The following NRXN3 variants were observed in gnomAD, a reference collection of about 807,000 sequenced individuals.
NRXN3 encodes neurexin 3.
NRXN3 carries 32 observed loss-of-function variants against 137.6 expected under a neutral mutation model. That is an observed-to-expected ratio of 0.23 (90% CI 0.18 to 0.31). The LOEUF (loss-of-function observed/expected upper bound fraction) is 0.31, where lower values mean the gene tolerates loss of function less well. Among genes scored for constraint, NRXN3 ranks in the 10% least tolerant of loss-of-function variants. The pLI is 1.00. For missense variants in NRXN3, 1,574 were observed against 2,062.5 expected (o/e 0.76, Z 4.59); for synonymous variants, 798 against 784.5 (o/e 1.02, Z -0.29).
chr14:78,982,490 G>T lies in NRXN3; in HGVS notation c.3143-5532G>T, dbSNP rs144964872. Among the ~76,000 whole-genome samples the T allele has an allele frequency of 2.6e-3, 386 of 147,418 alleles. 1 individual carries two copies. Among genetic ancestry groups the T allele is most frequent in the African/African-American group, 9.9e-3 (368 of 37,300 alleles). Reference sequence around the variant, plus strand: ...ATAGAGACCCCCAAAATAAACTTATGCATTATGGTTAACTGATTTTTTTTT... The same window carrying T: ...ATAGAGACCCCCAAAATAAACTTATTCATTATGGTTAACTGATTTTTTTTT... On this transcript the variant is annotated intron_variant, in intron 14 of 20. Coordinates refer to ENST00000335750, the MANE Select transcript of NRXN3 (RefSeq NM_001330195.2).
At chr14:79,691,448 A>C (rs2098716223) in intron 17 of NRXN3, among the ~76,000 whole-genome samples, 1 of 152,022 alleles carries the variant, frequency 6.6e-6, no homozygotes, top group Non-Finnish European at 1.5e-5. Flanking sequence ...AAGTCTACAA[A>C]TGTTGTACCA....
chr14:78,286,096 C>G (rs1033183898), intron 3 of NRXN3, among the ~76,000 whole-genome samples: 1 of 152,138 alleles, frequency 6.6e-6, no homozygotes, highest in African/African-American at 2.4e-5. Flanking sequence ...GGCAGACCCA[C>G]CGGGGTATTG....
At chr14:79,498,358 G>C (rs972961275) in intron 16 of NRXN3, among the ~76,000 whole-genome samples, 2 of 152,062 alleles carry the variant, frequency 1.3e-5, no homozygotes, top group African/African-American at 4.8e-5. Flanking sequence ...TTTCTTTCCT[G>C]CTTACTCCAG....
chr14:79,365,575 C>T (rs1176839300), intron 15 of NRXN3, among the ~76,000 whole-genome samples: 6 of 150,394 alleles, frequency 4.0e-5, no homozygotes, highest in Non-Finnish European at 7.4e-5. Context: ...AAAAATTAGC[C>T]GGGCGCGGTG....
chr14:78,908,774 ATTTATGGTGAGGC>A (rs748036927), intron 10 of NRXN3, among the ~76,000 whole-genome samples: 106 of 152,078 alleles, frequency 7.0e-4, no homozygotes, highest in Non-Finnish European at 1.3e-3. Context: ...CAAACATCAA[ATTTATGGTGAGGC>A]TTGGGTAGAA....
chr14:78,269,812 T>C (rs1239427911), intron 2 of NRXN3, among the ~76,000 whole-genome samples: 1 of 152,184 alleles, frequency 6.6e-6, no homozygotes, highest in African/African-American at 2.4e-5. Context: ...ACCCACCTGC[T>C]TCTCCTAGAA....
chr14:78,240,926 A>T lies in NRXN3; in HGVS notation c.-703-1465A>T, dbSNP rs58456029. ...TAATGTTCTGATGGAGCCCATGGTG[A>T]ATTATCAAATGTGCCAGGTAATAAG... On this transcript the variant is annotated intron_variant, in intron 1 of 20. Coordinates refer to ENST00000335750, the MANE Select transcript of NRXN3 (RefSeq NM_001330195.2). 5.3e-3 allele frequency among the ~76,000 whole-genome samples: 808 copies of T among 152,250 alleles called. 5 individuals are homozygous for T. Among genetic ancestry groups the T allele is most frequent in the African/African-American group, 0.018 (752 of 41,542 alleles).
At chr14:78,770,418 G>C (rs1340199948) in intron 8 of NRXN3, among the ~76,000 whole-genome samples, 2 of 152,126 alleles carry the variant, frequency 1.3e-5, no homozygotes, top group Non-Finnish European at 2.9e-5. Flanking sequence ...TGTGCTCAGG[G>C]GGATTTTCAA....
intron 8 of NRXN3, among the ~76,000 whole-genome samples, chr14:78,787,603 C>A (rs1304849899): frequency 6.6e-6 from 1 of 152,012 alleles, no homozygotes; most frequent in Non-Finnish European, 1.5e-5. Context: ...CAGTTATTGT[C>A]AATGATAATG....
intron 4 of NRXN3, among the ~76,000 whole-genome samples, chr14:78,542,223 G>T (rs776916668): frequency 6.6e-6 from 1 of 152,230 alleles, no homozygotes; most frequent in Non-Finnish European, 1.5e-5. Flanking sequence ...AGACAGGGAC[G>T]TTTAAGTCTG....
At chr14:79,238,537 A>T (rs998274780) in intron 15 of NRXN3, among the ~76,000 whole-genome samples, 1 of 152,180 alleles carries the variant, frequency 6.6e-6, no homozygotes, top group African/African-American at 2.4e-5. Flanking sequence ...AAGCGCTGTG[A>T]TGTGATACAT....
intron 10 of NRXN3, among the ~76,000 whole-genome samples, chr14:78,830,123 C>T (rs914646324): frequency 1.1e-4 from 17 of 152,030 alleles, no homozygotes; most frequent in East Asian, 3.9e-4. Flanking sequence ...TACAATAACT[C>T]GCCCAAGATG....
intron 15 of NRXN3, among the ~76,000 whole-genome samples, chr14:79,281,122 T>G (rs1443255685): frequency 1.3e-5 from 2 of 152,148 alleles, no homozygotes; most frequent in Non-Finnish European, 2.9e-5. Flanking sequence ...AGCTTTATGT[T>G]TGTCCACATA....
At chr14:78,513,659 A>T (rs920385940) in intron 4 of NRXN3, among the ~76,000 whole-genome samples, 2 of 152,162 alleles carry the variant, frequency 1.3e-5, no homozygotes, top group African/African-American at 4.8e-5. Context: ...TGTGCAAAAA[A>T]AATTCAAGTA....
chr14:78,756,892 ATT>A (rs2098670934), intron 8 of NRXN3, among the ~76,000 whole-genome samples: 1 of 152,178 alleles, frequency 6.6e-6, no homozygotes, highest in African/African-American at 2.4e-5. Context: ...TTGGTGGGTT[ATT>A]AGATTTGGTT....
At chr14:78,182,952 C>T (rs969713585) in intron 1 of NRXN3, among the ~76,000 whole-genome samples, 5 of 152,146 alleles carry the variant, frequency 3.3e-5, no homozygotes, top group South Asian at 4.1e-4. Context: ...TCTGTCTGTG[C>T]GATGGCACAG....
intron 10 of NRXN3, among the ~76,000 whole-genome samples, chr14:78,834,693 G>T (rs1330918859): frequency 6.6e-6 from 1 of 152,094 alleles, no homozygotes; most frequent in East Asian, 1.9e-4. Context: ...TGGGTCTCCT[G>T]AACTGTGTTC....
intron 2 of NRXN3, among the ~76,000 whole-genome samples, chr14:78,246,685 A>C (rs2067730010): frequency 6.6e-6 from 1 of 152,226 alleles, no homozygotes; most frequent in Admixed American, 6.5e-5. Flanking sequence ...CGTTGCCTCC[A>C]CACATAGTTA....
chr14:78,451,572 T>A (rs1312523160), intron 4 of NRXN3, among the ~76,000 whole-genome samples: 1 of 152,200 alleles, frequency 6.6e-6, no homozygotes, highest in Non-Finnish European at 1.5e-5. Context: ...TTCACTTCTT[T>A]CTATACTCCC....
Sources: gnomAD v4.1 joint callset for allele counts (sites outside exome capture counted in the v4.1 genomes callset) on GRCh38, gnomAD v4.1.1 for gene constraint, MANE v1.5 for transcripts, NCBI Gene and HGNC (gene_info 2026-07-23, HGNC 2026-07-21) for gene names.